CLEC17A: variants seen among roughly 807,000 people sequenced by gnomAD.
CLEC17A encodes C-type lectin domain family 17, member A.
A neutral mutation model predicts 61.3 loss-of-function variants in CLEC17A; 37 were observed. That is an observed-to-expected ratio of 0.60 (90% CI 0.46 to 0.79). CLEC17A has a LOEUF of 0.79. CLEC17A is among the 30% of genes least tolerant of loss of function. The probability of loss-of-function intolerance (pLI) is 0.00; values close to 1 mark genes in which losing one functional copy is unlikely to be tolerated. For missense variants in CLEC17A, 418 were observed against 464.7 expected, an observed-to-expected ratio of 0.90 and a Z score of 0.92; for synonymous variants, 168 against 164.9, an observed-to-expected ratio of 1.02 and a Z score of -0.14.
In CLEC17A at chr19:14,594,667, C is replaced by T. The variant is rs376222790; in HGVS notation, c.346C>T (p.Pro116Ser). The T allele has an allele frequency of 3.1e-6, 5 of 1,613,972 alleles. No homozygotes were observed. The South Asian group carries it at 4.4e-5, about 14-fold the overall frequency. ...AGAGAAACCCCCACTTCCTTGCAAG[C>T]CCCGGAACATGACAGGTGAGAGCTG... ...ETEKPPLPCK[P>S]RNMTGLDLAA... The change falls in exon 6 of 14, where the codon CCC (proline) becomes TCC (serine). Residue 116 changes from proline (P) to serine (S), a missense_variant. Physicochemically the swap from Pro to Ser is moderately conservative, Grantham distance 74. Transcript: ENST00000417570.
chr19:14,602,610 C>T (rs2074749732), intron 12 of CLEC17A, among the ~76,000 whole-genome samples: 1 of 152,002 alleles, frequency 6.6e-6, no homozygotes, highest in African/African-American at 2.4e-5. Flanking sequence ...TATTTTTAGA[C>T]CGTTTACATT....
chr19:14,603,257 A>G (rs767829781), intron 12 of CLEC17A, among the ~76,000 whole-genome samples: 6 of 152,120 alleles, frequency 3.9e-5, no homozygotes, highest in African/African-American at 9.7e-5. Context: ...TGTGGGGTCA[A>G]GGTGGAAGGG....
rs765558704 is a variant in CLEC17A, at chr19:14,610,163, G to T, written c.1104G>T (p.Thr368=). 1 of 1,588,502 alleles carries T rather than the reference G, an allele frequency of 6.3e-7. No homozygotes were observed. Among genetic ancestry groups the T allele is most frequent in the African/African-American group, 1.3e-5 (1 of 74,560 alleles). ...TWNDLSCYKT[T]YWICERKCSC is the part of the protein sequence containing the mutation. ...ATGATCTCTCTTGCTACAAAACTAC[G>T]TATTGGATTTGTGAGCGGAAATGTT... The change falls in exon 14 of 14, where the codon ACG becomes ACT. Residue 368 remains threonine (T), a synonymous_variant. Coordinates refer to ENST00000417570, the MANE Select transcript of CLEC17A (RefSeq NM_001204118.2).
At chr19:14,586,860 G>T (rs1288932881) in intron 2 of CLEC17A, among the ~76,000 whole-genome samples, 2 of 150,460 alleles carry the variant, frequency 1.3e-5, no homozygotes, top group Non-Finnish European at 3.0e-5. Context: ...GGTGGCTGTT[G>T]TCATTGTTTC....
chr19:14,587,394 A>G (rs1266971732), intron 2 of CLEC17A, among the ~76,000 whole-genome samples: 1 of 152,226 alleles, frequency 6.6e-6, no homozygotes, highest in East Asian at 1.9e-4. Flanking sequence ...ACCCCTTGTC[A>G]TGTTCCTGGT....
Position 14,587,636 on chromosome 19 carries a change from G to T in CLEC17A, c.144G>T (p.Glu48Asp), listed in dbSNP as rs780733761. The change falls in exon 3 of 14, where the codon GAG becomes GAT. Residue 48 changes from glutamate to aspartate, a missense_variant. Glu to Asp is a conservative substitution (Grantham distance 45). Transcript: ENST00000417570. The stretch of plus-strand genomic sequence containing the variant: ...AAGGGACCATGGAGGAGGAGGAGGA[G>T]GATGATGACTATGAGAACTCAACAC... ...PKPGTMEEEEEDDDYENSTPP... is the reference protein window; with the variant it reads ...PKPGTMEEEEDDDDYENSTPP... 5.6e-5 allele frequency: 89 copies of T among 1,599,852 alleles called. No individual in the cohort carries two copies. Among genetic ancestry groups the T allele is most frequent in the Admixed American group, 1.2e-4 (7 of 56,952 alleles).
rs549390111 is a variant in CLEC17A, at chr19:14,591,121, T to G, written c.200-1160T>G. 5.0e-4 allele frequency among the ~76,000 whole-genome samples: 76 copies of G among 151,690 alleles called. 1 individual carries two copies. The highest frequency in any genetic ancestry group is 1.9e-3 in the South Asian group (9 of 4,798). ...GAGCTCAACTGGGAGAGGGGAGGGG[T>G]GTGGCTGTTGTCATAGTTTCTTCTT... On this transcript the variant is annotated intron_variant, in intron 3 of 13. Coordinates refer to ENST00000417570, the MANE Select transcript of CLEC17A (RefSeq NM_001204118.2).
In CLEC17A at chr19:14,595,743, G is replaced by T. The variant is rs868289859; in HGVS notation, c.445+428G>T. On this transcript the variant is annotated intron_variant, in intron 8 of 13. Coordinates refer to ENST00000417570, the MANE Select transcript of CLEC17A (RefSeq NM_001204118.2). ...GATGATGGTGGTGATGGTGGAGATA[G>T]TGATGGTGTTGTTGGTATTGATGAT... Among the ~76,000 whole-genome samples the T allele has an allele frequency of 6.1e-4, 93 of 152,082 alleles. 1 individual carries two copies. Among genetic ancestry groups the T allele is most frequent in the African/African-American group, 2.1e-3 (87 of 41,554 alleles).
rs2074665717 is a variant in CLEC17A, at chr19:14,600,038, C to T, written c.750C>T (p.Arg250=). ...LVELWGLLDC[R]RITCPEGWLP... The stretch of plus-strand genomic sequence containing the variant: ...ATTCTGTCTGGTTCCCAGACTGCCG[C>T]CGAATTACCTGTCCTGAAGGCTGGC... The change falls in exon 12 of 14, where the codon CGC becomes CGT. Residue 250 remains arginine, a synonymous_variant. Coordinates refer to ENST00000417570, the MANE Select transcript of CLEC17A (RefSeq NM_001204118.2). The T allele has an allele frequency of 1.2e-6, 2 of 1,613,852 alleles. No individual in the cohort carries two copies. Among genetic ancestry groups the T allele is most frequent in the Non-Finnish European group, 1.7e-6 (2 of 1,179,828 alleles).
intron 13 of CLEC17A, 21 bp from the exon 14 acceptor site, chr19:14,610,043 C>A (rs1341060773): frequency 5.1e-5 from 81 of 1,592,954 alleles, no homozygotes; most frequent in Non-Finnish European, 6.6e-5. Flanking sequence ...TGTCCCTCTG[C>A]CCACTTTTTC....
At chr19:14,588,450 G>C (rs1389984016) in intron 3 of CLEC17A, 1 of 151,990 alleles carries the variant, frequency 6.6e-6, no homozygotes, top group Admixed American at 6.6e-5. Context: ...CTATTGTGAA[G>C]TATGTGATTG....
chr19:14,590,898 A>G (rs184747984), intron 3 of CLEC17A, among the ~76,000 whole-genome samples: 11 of 143,858 alleles, frequency 7.6e-5, no homozygotes, highest in Non-Finnish European at 1.4e-4. Context: ...GGGTCTTGCT[A>G]TGTTGCCCAG....
At chr19:14,609,455 A>G (rs1022305660) in intron 13 of CLEC17A, among the ~76,000 whole-genome samples, 2 of 152,200 alleles carry the variant, frequency 1.3e-5, no homozygotes, top group African/African-American at 2.4e-5. Context: ...AAGAGCCCAC[A>G]TGATCTAAAC....
Position 14,610,314 on chromosome 19 carries a change from G to A in CLEC17A, c.*118G>A. On this transcript the variant is annotated 3_prime_UTR_variant, in exon 14 of 14. Coordinates refer to ENST00000417570, the MANE Select transcript of CLEC17A (RefSeq NM_001204118.2). ...TGGACACACAGATGTGCCTCAAACA[G>A]GATTGGCACCCTGGATGCAGCAAGT... is the stretch of plus-strand genomic sequence containing the variant. The A allele has an allele frequency of 2.1e-6, 3 of 1,397,184 alleles. No individual in the cohort carries two copies. The highest frequency in any genetic ancestry group is 2.9e-6 in the Non-Finnish European group (3 of 1,042,966). The allele number at this position is 1,397,184 out of a possible 1,614,324, so 86.5% of individuals were successfully genotyped here. A position where few individuals can be genotyped will look rare whatever the true frequency, so the allele number is the denominator to read the frequency against.
intron 12 of CLEC17A, among the ~76,000 whole-genome samples, chr19:14,604,366 A>AT (rs960655719): frequency 1.3e-5 from 2 of 150,960 alleles, no homozygotes; most frequent in African/African-American, 4.9e-5. Context: ...ACCTCCCCAC[A>AT]TTTTTTTTTC....
rs190751774 is a variant in CLEC17A at position 14,588,008 on chromosome 19, T to A, written c.199+317T>A. ...AGTAGACATTTCTTAAGAAGAGAAG[T>A]CCAGGAGAGAACTGTTAGGTGCAAA... On this transcript the variant is annotated intron_variant, in intron 3 of 13. Transcript: ENST00000417570. Among the ~76,000 whole-genome samples, 489 of 152,094 alleles carry A rather than the reference T, an allele frequency of 3.2e-3. 4 individuals are homozygous for A. Among genetic ancestry groups the A allele is most frequent in the African/African-American group, 0.011 (463 of 41,464 alleles).
At chr19:14,598,736 A>G (rs2074622986) in intron 10 of CLEC17A, among the ~76,000 whole-genome samples, 1 of 152,042 alleles carries the variant, frequency 6.6e-6, no homozygotes. Context: ...CAGCCTCCCA[A>G]AGTTCTGGGA....
At chr19:14,605,426 G>T (rs1004274718) in intron 12 of CLEC17A, among the ~76,000 whole-genome samples, 1 of 152,100 alleles carries the variant, frequency 6.6e-6, no homozygotes, top group South Asian at 2.1e-4. Context: ...ATCTTGGTTT[G>T]GTGGTAAGTT....
chr19:14,607,977 C>A (rs867862955), intron 13 of CLEC17A, among the ~76,000 whole-genome samples: 27 of 152,074 alleles, frequency 1.8e-4, no homozygotes, highest in African/African-American at 6.3e-4. Flanking sequence ...CTCTGGTAAT[C>A]CTCCTGCCTC....
Sources: allele counts gnomAD v4.1 joint callset (sites outside exome capture counted in the v4.1 genomes callset), GRCh38; gene constraint gnomAD v4.1.1; transcripts MANE v1.5; gene names NCBI Gene and HGNC (gene_info 2026-07-23, HGNC 2026-07-21).